The following XRN2 variants were observed in gnomAD, a reference collection of about 807,000 sequenced individuals.
XRN2 encodes DHM1-like protein.
In XRN2, 44 loss-of-function variants were observed where a neutral mutation model predicts 138.5. That is an observed-to-expected ratio of 0.32 (90% confidence interval 0.25 to 0.41). XRN2 has a LOEUF of 0.41. Among genes scored for constraint, XRN2 ranks in the 10% least tolerant of loss-of-function variants. XRN2 has a pLI of 1.00. For missense variants in XRN2, 937 were observed against 1,169.3 expected (o/e 0.80, Z 2.90); for synonymous variants, 354 against 369.4 (o/e 0.96, Z 0.48).
intron 27 of XRN2, among the ~76,000 whole-genome samples, chr20:21,375,123 G>A (rs1316284963): frequency 7.2e-6 from 1 of 138,954 alleles, no homozygotes; most frequent in Non-Finnish European, 1.5e-5. Flanking sequence ...TCAAAATTAA[G>A]TGCTGATACT....
In XRN2 at chr20:21,328,750, A is replaced by G. The variant is rs1207953884; in HGVS notation, c.427+80A>G. The G allele has an allele frequency of 3.2e-6, 4 of 1,253,412 alleles. No individual in the cohort carries two copies. In the Admixed American group the frequency reaches 6.5e-5, roughly 20 times the overall value. 77.6% of individuals were successfully genotyped at this position (1,253,412 alleles called of 1,614,324 possible). On this transcript the variant is annotated intron_variant, in intron 4 of 29. Transcript: ENST00000377191. ...GGGGGTGGTGGCAACTTTTTCTTAC[A>G]AAGAGGCAAGCTTTTAATTTAATAA...
In XRN2 at chr20:21,358,245, G is replaced by A. The variant is rs2038598518; in HGVS notation, c.2255+453G>A. ...GTTTTAGTTAAGATGACATAGAACAGAATATATTTGTGAAAATTTTTATTA... is the reference window on the plus strand; with the variant it reads ...GTTTTAGTTAAGATGACATAGAACAAAATATATTTGTGAAAATTTTTATTA... On this transcript the variant is annotated intron_variant, in intron 24 of 29. Coordinates refer to ENST00000377191, the MANE Select transcript of XRN2 (RefSeq NM_012255.5). Among the ~76,000 whole-genome samples, 4 of 152,170 alleles carry A rather than the reference G, an allele frequency of 2.6e-5. No individual in the cohort carries two copies. The South Asian group carries it at 8.3e-4, about 32-fold the overall frequency.
chr20:21,353,971 C>T (rs1238097061), intron 20 of XRN2, among the ~76,000 whole-genome samples: 1 of 152,062 alleles, frequency 6.6e-6, no homozygotes, highest in Non-Finnish European at 1.5e-5. Flanking sequence ...TTATTTAACA[C>T]TATTTAGCAT....
intron 9 of XRN2, among the ~76,000 whole-genome samples, chr20:21,332,994 G>T (rs183213893): frequency 1.2e-3 from 188 of 152,226 alleles, no homozygotes; most frequent in Non-Finnish European, 2.1e-3. Flanking sequence ...ATAATATGGT[G>T]CCTCTTGAGT....
In XRN2 at chr20:21,348,127, AC is replaced by A; in HGVS notation, c.1666-18del. 6.3e-7 allele frequency: 1 copy of A among 1,576,078 alleles called. No homozygotes were observed. The highest frequency in any genetic ancestry group is 1.2e-5 in the South Asian group (1 of 84,622). On this transcript the variant is annotated intron_variant, in intron 17 of 29. Coordinates refer to ENST00000377191, the MANE Select transcript of XRN2 (RefSeq NM_012255.5). ...AACATAGGTTTTTGATTTTGTTGTT[AC>A]TTTTTTAATGATTCTAGGGCTGTGC...
chr20:21,313,642 T>C (rs1404566693), intron 1 of XRN2, among the ~76,000 whole-genome samples: 9 of 152,244 alleles, frequency 5.9e-5, no homozygotes, highest in Non-Finnish European at 1.3e-4. Context: ...TAGTAGTTTA[T>C]GTGTCCAAGT....
In XRN2 at chr20:21,332,422, A is replaced by G; in HGVS notation, c.840A>G (p.Pro280=). The part of the protein sequence containing the change: ...GHEVKDCEGL[P]REKKGKHDEL... ...AGGTCAAAGATTGTGAAGGTTTGCCAAGAGAAAAGAAGGGAAAGGTAAGAA... is the reference window on the plus strand; with the variant it reads ...AGGTCAAAGATTGTGAAGGTTTGCCGAGAGAAAAGAAGGGAAAGGTAAGAA... Residue 280 remains proline (P), a synonymous_variant, in exon 9 of 30, where the codon CCA becomes CCG. Transcript: ENST00000377191. The G allele has an allele frequency of 6.2e-7, 1 of 1,609,602 alleles. No homozygotes were observed. Among genetic ancestry groups the G allele is most frequent in the Non-Finnish European group, 8.5e-7 (1 of 1,178,202 alleles).
chr20:21,337,661 T>C (rs1469799883), intron 13 of XRN2, among the ~76,000 whole-genome samples: 1 of 152,186 alleles, frequency 6.6e-6, no homozygotes, highest in Non-Finnish European at 1.5e-5. Context: ...TGTTCCATTA[T>C]TGGAACGATA....
chr20:21,373,266 A>G (rs2038782763), intron 27 of XRN2, among the ~76,000 whole-genome samples: 1 of 152,158 alleles, frequency 6.6e-6, no homozygotes, highest in Admixed American at 6.5e-5. Context: ...CCTCGTTCTC[A>G]CAAAGCGCCG....
intron 1 of XRN2, among the ~76,000 whole-genome samples, chr20:21,307,284 CGT>C (rs2037821642): frequency 1.3e-5 from 1 of 76,796 alleles, no homozygotes; most frequent in African/African-American, 3.6e-5. Flanking sequence ...TTGATCAGTA[CGT>C]GGCTCACTCT....
At chr20:21,329,255 G>C (rs1326003724) in intron 4 of XRN2, among the ~76,000 whole-genome samples, 1 of 152,172 alleles carries the variant, frequency 6.6e-6, no homozygotes, top group Non-Finnish European at 1.5e-5. Context: ...GTTCCCCAAA[G>C]CCTTAAAATT....
chr20:21,346,276 A>G, intron 16 of XRN2, 139 bp from the exon 17 acceptor site: 1 of 1,086,524 alleles, frequency 9.2e-7, no homozygotes, highest in Non-Finnish European at 1.3e-6. Flanking sequence ...AGTTAAATGA[A>G]TCTGTGTTAG....
At chr20:21,363,291 G>A (rs76767604) in intron 24 of XRN2, among the ~76,000 whole-genome samples, 2 of 152,096 alleles carry the variant, frequency 1.3e-5, no homozygotes, top group South Asian at 2.1e-4. Flanking sequence ...CCCTCCCACC[G>A]TGAACCGTGC....
intron 27 of XRN2, among the ~76,000 whole-genome samples, chr20:21,378,787 C>G (rs2038852207): frequency 6.6e-6 from 1 of 152,100 alleles, no homozygotes; most frequent in Admixed American, 6.5e-5. Context: ...AAATTGCACT[C>G]AAGAAGGGCC....
chr20:21,373,896 T>C lies in XRN2; in HGVS notation c.2584+5306T>C, dbSNP rs527307369. ...AGTAGTTTTATATTGGAAATATCTT[T>C]TTCCACTTGGCAATTTGCCTTTTCG... On this transcript the variant is annotated intron_variant, in intron 27 of 29. Transcript: ENST00000377191. Among the ~76,000 whole-genome samples, 8 of 152,358 alleles carry C rather than the reference T, an allele frequency of 5.3e-5. No individual in the cohort carries two copies. In the East Asian group the frequency reaches 1.3e-3, roughly 26 times the overall value.
chr20:21,366,898 C>G (rs529001786), intron 26 of XRN2, among the ~76,000 whole-genome samples: 8 of 152,184 alleles, frequency 5.3e-5, no homozygotes, highest in Non-Finnish European at 1.0e-4. Context: ...CTATTACTTT[C>G]TCTAAGACGT....
chr20:21,344,576 A>G (rs1391974451), intron 16 of XRN2, among the ~76,000 whole-genome samples: 8 of 152,214 alleles, frequency 5.3e-5, no homozygotes, highest in Non-Finnish European at 1.0e-4. Context: ...TAGAAAGTTC[A>G]GTTATACTTA....
chr20:21,312,402 T>C (rs1266224746), intron 1 of XRN2, among the ~76,000 whole-genome samples: 3 of 151,830 alleles, frequency 2.0e-5, no homozygotes, highest in Non-Finnish European at 2.9e-5. Flanking sequence ...CCTTAGGTTG[T>C]GTTTTTATGA....
At chr20:21,337,937 T>C (rs2038318058) in intron 13 of XRN2, among the ~76,000 whole-genome samples, 1 of 152,184 alleles carries the variant, frequency 6.6e-6, no homozygotes, top group African/African-American at 2.4e-5. Flanking sequence ...ATTGGTGACC[T>C]ACACAAGAGA....
Sources: gnomAD v4.1 joint callset for allele counts (sites outside exome capture counted in the v4.1 genomes callset) on GRCh38, gnomAD v4.1.1 for gene constraint, MANE v1.5 for transcripts, NCBI Gene and HGNC (gene_info 2026-07-23, HGNC 2026-07-21) for gene names.